DOCK1: variants seen among roughly 807,000 people sequenced by gnomAD.
DOCK1 encodes the protein dedicator of cytokinesis protein 1.
In DOCK1, 138 loss-of-function variants were observed where a neutral mutation model predicts 262.7. The observed-to-expected ratio is 0.53, with a 90% CI of 0.46 to 0.61. DOCK1 has a LOEUF of 0.61. DOCK1 is among the 20% of genes least tolerant of loss of function. The pLI, the probability that DOCK1 is intolerant of heterozygous loss-of-function variation, is 0.00. For synonymous variants in DOCK1, 866 were observed against 867.4 expected (o/e 1.00, Z 0.03); for missense variants, 1,908 against 2,370.7 (o/e 0.80, Z 4.05).
At chr10:126,999,867 G>A (rs959122894) in intron 9 of DOCK1, among the ~76,000 whole-genome samples, 1 of 152,050 alleles carries the variant, frequency 6.6e-6, no homozygotes, top group Non-Finnish European at 1.5e-5. Flanking sequence ...AGTAGAGATG[G>A]GGTTTCCCCA....
chr10:127,008,814 G>A lies in DOCK1; in HGVS notation c.1058+10G>A, dbSNP rs9418678. On this transcript the variant is annotated intron_variant, in intron 11 of 51. Coordinates refer to ENST00000623213, the MANE Select transcript of DOCK1 (RefSeq NM_001290223.2). ...TCATTCCCTTTCAGCCGTAAGTATG[G>A]AGCAATTCAAGTACTTAGCCAGATA... 0.08 allele frequency: 126,795 copies of A among 1,589,898 alleles called. 5,860 individuals carry two copies. Among genetic ancestry groups the A allele is most frequent in the Non-Finnish European group, 0.093 (107,854 of 1,165,838 alleles).
At chr10:127,230,971 A>T (rs950579034) in intron 27 of DOCK1, among the ~76,000 whole-genome samples, 5 of 151,842 alleles carry the variant, frequency 3.3e-5, no homozygotes, top group African/African-American at 1.2e-4. Context: ...TATTTTTATC[A>T]TCTTCAGTTT....
At chr10:127,399,263 C>T (rs1011706328) in intron 38 of DOCK1, among the ~76,000 whole-genome samples, 18 of 152,174 alleles carry the variant, frequency 1.2e-4, no homozygotes, top group Non-Finnish European at 1.9e-4. Context: ...CTTCTGAGAA[C>T]GGAGCCAAAC....
At chr10:126,991,276 C>T (rs886320897) in intron 6 of DOCK1, among the ~76,000 whole-genome samples, 1 of 152,188 alleles carries the variant, frequency 6.6e-6, no homozygotes, top group African/African-American at 2.4e-5. Flanking sequence ...ACAAGCTGCT[C>T]TGATCCTAAT....
chr10:127,064,911 C>G (rs2045763634), intron 23 of DOCK1, among the ~76,000 whole-genome samples: 1 of 152,212 alleles, frequency 6.6e-6, no homozygotes, highest in Non-Finnish European at 1.5e-5. Flanking sequence ...CTCCCTGCAG[C>G]CCCTGGCAGC....
At chr10:127,137,312 C>T (rs2050784686) in intron 27 of DOCK1, 3 of 153,184 alleles carry the variant, frequency 2.0e-5, no homozygotes, top group Non-Finnish European at 2.9e-5. Context: ...TTCATGGTCT[C>T]CGACCACTTG....
intron 1 of DOCK1, among the ~76,000 whole-genome samples, chr10:126,947,807 G>A (rs1190541917): frequency 4.2e-5 from 5 of 117,978 alleles, no homozygotes; most frequent in African/African-American, 1.9e-4. Context: ...ATTACTGTTG[G>A]TGGTGGTGGT....
chr10:126,996,535 A>ATTTTTT (rs10538924), intron 6 of DOCK1, among the ~76,000 whole-genome samples: 1 of 136,202 alleles, frequency 7.3e-6, no homozygotes, highest in Non-Finnish European at 1.6e-5. Context: ...AAAATTGAGG[A>ATTTTTT]TTTTTTTTTT....
At chr10:127,276,854 C>G (rs557838357) in intron 29 of DOCK1, among the ~76,000 whole-genome samples, 149 of 135,616 alleles carry the variant, frequency 1.1e-3, no homozygotes, top group African/African-American at 3.6e-3. Flanking sequence ...ACGTTATGGG[C>G]CATTTCCTAT....
intron 1 of DOCK1, among the ~76,000 whole-genome samples, chr10:126,963,608 CCCTTCCCTTCCCTT>C (rs2037405217): frequency 1.1e-4 from 7 of 63,766 alleles, no homozygotes; most frequent in Admixed American, 2.1e-4. Context: ...CCCTTCCCTT[CCCTTCCCTTCCCTT>C]CCCTTCCCTT....
rs1300198920 is a variant in DOCK1 at position 127,295,827 on chromosome 10, T to G, written c.3044+38398T>G. On this transcript the variant is annotated intron_variant, in intron 29 of 51. Transcript: ENST00000623213. ...ATAAAGTAGCTATGATACATTAAGT[T>G]CCTTTTGTTCTTAAGAGAAGGTGAT... Among the ~76,000 whole-genome samples the G allele has an allele frequency of 1.3e-5, 2 of 152,206 alleles. 1 individual carries two copies. The highest frequency in any genetic ancestry group is 2.9e-5 in the Non-Finnish European group (2 of 68,036).
In DOCK1 at chr10:127,449,228, C is replaced by CG. The variant is rs35905960; in HGVS notation, c.5565+1690dup. 3.8e-3 allele frequency among the ~76,000 whole-genome samples: 580 copies of CG among 152,238 alleles called. 7 individuals are homozygous for CG. The highest frequency in any genetic ancestry group is 0.013 in the African/African-American group (548 of 41,524). ...CTACTTGTGAGAGTAAAAGGAGATT[C>CG]GGGGGGGTCTAACAAGAATATTGGG... On this transcript the variant is annotated intron_variant, in intron 51 of 51. Coordinates refer to ENST00000623213, the MANE Select transcript of DOCK1 (RefSeq NM_001290223.2).
At chr10:127,318,542 C>T (rs2062383386) in intron 29 of DOCK1, among the ~76,000 whole-genome samples, 1 of 152,238 alleles carries the variant, frequency 6.6e-6, no homozygotes, top group African/African-American at 2.4e-5. Flanking sequence ...ATCCTACAAG[C>T]ATGTGTCCGG....
chr10:127,201,585 G>A (rs912339042), intron 27 of DOCK1, among the ~76,000 whole-genome samples: 1 of 151,986 alleles, frequency 6.6e-6, no homozygotes, highest in African/African-American at 2.4e-5. Flanking sequence ...TGAAAGAGAG[G>A]GAAGTAGCTC....
intron 38 of DOCK1, 104 bp from the exon 39 acceptor site, chr10:127,402,951 A>G: frequency 1.9e-6 from 2 of 1,055,592 alleles, no homozygotes; most frequent in Non-Finnish European, 2.8e-6. Context: ...GTTTCATTCA[A>G]ATGTACTTCT....
chr10:127,418,287 G>GGAAGAAAGGTT, intron 44 of DOCK1, 78 bp from the exon 45 acceptor site: 22 of 1,448,250 alleles, frequency 1.5e-5, no homozygotes, highest in Non-Finnish European at 1.9e-5. Flanking sequence ...CTGCCCCAGA[G>GGAAGAAAGGTT]CACGTGGCTC....
chr10:127,345,699 T>C (rs10764975), intron 31 of DOCK1, among the ~76,000 whole-genome samples: 78,271 of 152,094 alleles, frequency 0.51, 21,062 homozygotes, highest in Middle Eastern at 0.68. Flanking sequence ...CCCACCACCT[T>C]GGGGCCTGCA....
chr10:127,443,620 C>T (rs1470547201), intron 49 of DOCK1, among the ~76,000 whole-genome samples: 5 of 152,206 alleles, frequency 3.3e-5, no homozygotes, highest in South Asian at 2.1e-4. Context: ...TACCTAATGG[C>T]GGCATTGCTC....
At chr10:127,324,023 G>C (rs7079930) in intron 29 of DOCK1, among the ~76,000 whole-genome samples, 1 of 152,208 alleles carries the variant, frequency 6.6e-6, no homozygotes, top group Admixed American at 6.5e-5. Flanking sequence ...TTCTTGAGGA[G>C]GGGGAGCGGT....
Sources: allele counts gnomAD v4.1 joint callset (sites outside exome capture counted in the v4.1 genomes callset), GRCh38; gene constraint gnomAD v4.1.1; transcripts MANE v1.5; gene names NCBI Gene and HGNC (gene_info 2026-07-23, HGNC 2026-07-21).